Variants in DCAF8L2 observed in about 807,000 individuals in gnomAD.
The protein encoded by DCAF8L2 is DDB1- and CUL4-associated factor 8-like protein 2.
For missense variants in DCAF8L2, 430 were observed against 490.7 expected, an observed-to-expected ratio of 0.88 and a Z score of 1.17; for synonymous variants, 200 against 190.9, an observed-to-expected ratio of 1.05 and a Z score of -0.39.
chrX:27,647,983 G>A (rs1405499347), intron 2 of DCAF8L2, among the ~76,000 whole-genome samples: 3 of 111,478 alleles, frequency 2.7e-5, no homozygotes, highest in African/African-American at 9.8e-5. Context: ...TGAATTGGTT[G>A]TAACTTGGGC....
chrX:27,748,674 C>G lies in DCAF8L2; in HGVS notation c.1779C>G (p.His593Gln). The G allele has an allele frequency of 8.4e-7, 1 of 1,195,682 alleles. No homozygotes were observed. Among genetic ancestry groups the G allele is most frequent in the Non-Finnish European group, 1.1e-6 (1 of 886,429 alleles). The change falls in exon 5 of 5, where the codon CAC becomes CAG. Residue 593 changes from histidine to glutamine, a missense_variant. By Grantham distance (24) the His-to-Gln change is conservative. Transcript: ENST00000451261. ...GTCACGTGACGCAGAGAGGTCGTCACCAGGACTGGAGAAGTGGTGAAGCTG... is the reference window on the plus strand; with the variant it reads ...GTCACGTGACGCAGAGAGGTCGTCAGCAGGACTGGAGAAGTGGTGAAGCTG... ...LLRHVTQRGR[H>Q]QDWRSGEAEF... is the part of the protein sequence containing the mutation.
At chrX:27,681,372 T>C (rs1930322270) in intron 3 of DCAF8L2, among the ~76,000 whole-genome samples, 1 of 111,562 alleles carries the variant, frequency 9.0e-6, no homozygotes, top group African/African-American at 3.3e-5. Context: ...ATTTTATCTC[T>C]AGACTGTGAG....
chrX:27,691,815 G>T (rs985108008), intron 3 of DCAF8L2, among the ~76,000 whole-genome samples: 2 of 111,808 alleles, frequency 1.8e-5, no homozygotes, highest in African/African-American at 6.5e-5. Flanking sequence ...TATGTGGACA[G>T]CCTGAAGGAG....
At chrX:27,626,798 TG>T (rs755518203) in intron 1 of DCAF8L2, among the ~76,000 whole-genome samples, 1 of 111,660 alleles carries the variant, frequency 9.0e-6, no homozygotes, top group Non-Finnish European at 1.9e-5. Flanking sequence ...CATATAGGAT[TG>T]ATTTAAAGGC....
chrX:27,557,160 CA>C, the DCAF8L2 span, among the ~76,000 whole-genome samples: 27 of 111,919 alleles, frequency 2.4e-4, no homozygotes, highest in African/African-American at 8.4e-4. Context: ...TTGAAACAGA[CA>C]AAAAGCTCCA....
intron 3 of DCAF8L2, among the ~76,000 whole-genome samples, chrX:27,706,844 A>G (rs1035478982): frequency 8.9e-6 from 1 of 112,194 alleles, no homozygotes; most frequent in Non-Finnish European, 1.9e-5. Context: ...GTTTATAGCA[A>G]CATTACTCAT....
intron 1 of DCAF8L2, among the ~76,000 whole-genome samples, chrX:27,622,434 A>T (rs996832159): frequency 1.8e-5 from 2 of 111,063 alleles, no homozygotes; most frequent in Non-Finnish European, 3.8e-5. Flanking sequence ...ACAAAAAAAA[A>T]GATAAAAAAT....
the DCAF8L2 span, among the ~76,000 whole-genome samples, chrX:27,553,239 G>T: frequency 1.8e-5 from 2 of 111,153 alleles, no homozygotes; most frequent in Non-Finnish European, 3.8e-5. Flanking sequence ...CTGTTGGATG[G>T]AATATTCTTT....
the DCAF8L2 span, among the ~76,000 whole-genome samples, chrX:27,520,038 A>G: frequency 6.3e-5 from 7 of 111,806 alleles, no homozygotes; most frequent in Admixed American, 4.8e-4. Flanking sequence ...TTTAGTTACT[A>G]TTTCTCTATT....
chrX:27,700,797 G>A (rs1286154835), intron 3 of DCAF8L2, among the ~76,000 whole-genome samples: 3 of 110,796 alleles, frequency 2.7e-5, no homozygotes, highest in African/African-American at 9.9e-5. Flanking sequence ...ATTGCCAAAC[G>A]TTCTGCAACA....
intron 3 of DCAF8L2, among the ~76,000 whole-genome samples, chrX:27,714,189 T>C: frequency 9.0e-6 from 1 of 111,643 alleles, no homozygotes; most frequent in Non-Finnish European, 1.9e-5. Flanking sequence ...ACAGAATCAT[T>C]TTATAATAGA....
chrX:27,470,984 T>C, the DCAF8L2 span, among the ~76,000 whole-genome samples: 2 of 111,411 alleles, frequency 1.8e-5, no homozygotes, highest in Non-Finnish European at 3.8e-5. Flanking sequence ...GGTTTACCCA[T>C]TCGATGTCAT....
At chrX:27,515,859 C>G in the DCAF8L2 span, among the ~76,000 whole-genome samples, 1 of 111,863 alleles carries the variant, frequency 8.9e-6, no homozygotes, top group Non-Finnish European at 1.9e-5. Flanking sequence ...ACATTCTCTT[C>G]CATAGGATTC....
At chrX:27,565,802 C>A in the DCAF8L2 span, among the ~76,000 whole-genome samples, 1 of 109,905 alleles carries the variant, frequency 9.1e-6, no homozygotes, top group African/African-American at 3.3e-5. Flanking sequence ...GGAGAGGGGG[C>A]CTGAGAGAGA....
chrX:27,636,038 C>A, intron 2 of DCAF8L2, among the ~76,000 whole-genome samples: 1 of 111,181 alleles, frequency 9.0e-6, no homozygotes, highest in Admixed American at 9.6e-5. Flanking sequence ...GTCTTGAAGT[C>A]CTGACCTCAG....
At chrX:27,614,762 T>G (rs1396724360) in intron 1 of DCAF8L2, among the ~76,000 whole-genome samples, 1 of 111,530 alleles carries the variant, frequency 9.0e-6, no homozygotes, top group Admixed American at 9.6e-5. Flanking sequence ...GTTGAGCGGT[T>G]TTGAGTGAGT....
At chrX:27,600,617 A>G (rs1926596081) in intron 1 of DCAF8L2, among the ~76,000 whole-genome samples, 1 of 112,424 alleles carries the variant, frequency 8.9e-6, no homozygotes, top group Admixed American at 9.4e-5. Flanking sequence ...TCTAGAAAGT[A>G]TAAGACAAAA....
intron 1 of DCAF8L2, among the ~76,000 whole-genome samples, chrX:27,626,338 C>T (rs769080483): frequency 8.9e-6 from 1 of 112,067 alleles, no homozygotes; most frequent in East Asian, 2.8e-4. Flanking sequence ...GAAGGCTTAC[C>T]CTGGCTTCTC....
upstream of DCAF8L2, among the ~76,000 whole-genome samples, chrX:27,587,985 A>AAAAAAAAAAAATATATATATATAT: frequency 2.2e-4 from 5 of 22,367 alleles, no homozygotes; most frequent in African/African-American, 4.9e-4. Flanking sequence ...TAAAAAAAAA[A>AAAAAAAAAAAATATATATATATAT]ATATATATAT....
Sources: gnomAD v4.1 joint callset for allele counts (sites outside exome capture counted in the v4.1 genomes callset) on GRCh38, gnomAD v4.1.1 for gene constraint, MANE v1.5 for transcripts, NCBI Gene and HGNC (gene_info 2026-07-23, HGNC 2026-07-21) for gene names.